The following UBXN4 variants were observed in gnomAD, a reference collection of about 807,000 sequenced individuals.
The protein encoded by UBXN4 is UBX domain-containing protein 4.
UBXN4 carries 35 observed loss-of-function variants against 66.2 expected under a neutral mutation model. That is an observed-to-expected ratio of 0.53 (90% confidence interval 0.40 to 0.70). The LOEUF (loss-of-function observed/expected upper bound fraction) is 0.70, where lower values mean the gene tolerates loss of function less well. UBXN4 is among the 30% of genes least tolerant of loss of function. UBXN4 has a pLI of 0.00. For missense variants in UBXN4, 533 were observed against 599.8 expected (o/e 0.89, Z 1.16); for synonymous variants, 203 against 204.5 (o/e 0.99, Z 0.06).
chr2:135,772,673 T>G, intron 9 of UBXN4, 126 bp downstream of exon 9: 1 of 1,201,084 alleles, frequency 8.3e-7, no homozygotes, highest in Non-Finnish European at 1.2e-6. Context: ...CATATTAATT[T>G]GACAGCTCCC....
intron 10 of UBXN4, 126 bp from the exon 11 acceptor site, chr2:135,778,818 CTTTT>C: frequency 9.6e-7 from 1 of 1,038,536 alleles, no homozygotes; most frequent in South Asian, 2.6e-5. Flanking sequence ...AATTTTATAC[CTTTT>C]TTTGAGTTTA....
intron 8 of UBXN4, among the ~76,000 whole-genome samples, chr2:135,770,959 T>C (rs1559542572): frequency 6.6e-6 from 1 of 151,978 alleles, no homozygotes; most frequent in South Asian, 2.1e-4. Flanking sequence ...TTTATGACTT[T>C]TATCAGCATT....
chr2:135,765,101 A>G (rs529148431), intron 6 of UBXN4, among the ~76,000 whole-genome samples: 1 of 152,324 alleles, frequency 6.6e-6, no homozygotes, highest in East Asian at 1.9e-4. Context: ...GGCTTGAGCC[A>G]CCACGTCTGG....
intron 5 of UBXN4, among the ~76,000 whole-genome samples, chr2:135,759,528 C>T (rs2077299432): frequency 6.6e-6 from 1 of 152,046 alleles, no homozygotes; most frequent in African/African-American, 2.4e-5. Context: ...TAAGATGTTC[C>T]TCTATCCCCT....
At chr2:135,778,590 G>A (rs1315123705) in intron 10 of UBXN4, among the ~76,000 whole-genome samples, 1 of 152,190 alleles carries the variant, frequency 6.6e-6, no homozygotes, top group Non-Finnish European at 1.5e-5. Context: ...ATCCAAATGT[G>A]TGTTCATGAG....
intron 12 of UBXN4, among the ~76,000 whole-genome samples, chr2:135,781,422 C>T (rs777702131): frequency 3.3e-5 from 5 of 152,106 alleles, no homozygotes; most frequent in Admixed American, 6.6e-5. Flanking sequence ...AAATGGACAC[C>T]GCTGTTAAGC....
intron 10 of UBXN4, among the ~76,000 whole-genome samples, chr2:135,777,856 C>G (rs2077426318): frequency 6.7e-6 from 1 of 149,878 alleles, no homozygotes; most frequent in Non-Finnish European, 1.5e-5. Context: ...GTACTCCAGT[C>G]TGTGCAACAG....
intron 2 of UBXN4, among the ~76,000 whole-genome samples, chr2:135,750,445 G>T (rs1305469512): frequency 6.6e-6 from 1 of 152,064 alleles, no homozygotes; most frequent in African/African-American, 2.4e-5. Flanking sequence ...GGCAGAGCTT[G>T]CAGTGAGCCG....
rs910374668 is a variant in UBXN4 at position 135,783,444 on chromosome 2, T to C, written c.*557T>C. 2.0e-5 allele frequency: 3 copies of C among 152,276 alleles called. No individual in the cohort carries two copies. Among genetic ancestry groups the C allele is most frequent in the African/African-American group, 7.2e-5 (3 of 41,450 alleles). The allele number at this position is 152,276 out of a possible 1,614,324, so 9.4% of individuals were successfully genotyped here. ...TAGTTTTGCTTTGAGTTTTGTTATC[T>C]AGCATCTTTTTGTTGCACAGGGCTC... On this transcript the variant is annotated 3_prime_UTR_variant, in exon 13 of 13. Coordinates refer to ENST00000272638, the MANE Select transcript of UBXN4 (RefSeq NM_014607.4).
At position 135,741,876 on chromosome 2, in the gene UBXN4, C is replaced by A. The variant is rs998046107; in HGVS notation, c.-54C>A. On this transcript the variant is annotated 5_prime_UTR_variant, in exon 1 of 13. Coordinates refer to ENST00000272638, the MANE Select transcript of UBXN4 (RefSeq NM_014607.4). ...GGACGAAGACGGAGGGCGGAGCCGG[C>A]TTCGGGACTGCGGAGACTACACACC... 3.2e-6 allele frequency: 5 copies of A among 1,563,316 alleles called. No individual in the cohort carries two copies. In the Admixed American group the frequency reaches 5.6e-5, roughly 17 times the overall value.
chr2:135,772,354 G>A, intron 8 of UBXN4, 66 bp from the exon 9 acceptor site: 1 of 1,567,858 alleles, frequency 6.4e-7, no homozygotes. Flanking sequence ...ATGCATATTT[G>A]TTTGGAATTG....
Position 135,783,541 on chromosome 2 carries a change from G to A in UBXN4, c.*654G>A, listed in dbSNP as rs1285445177. On this transcript the variant is annotated 3_prime_UTR_variant, in exon 13 of 13. Transcript: ENST00000272638. ...CTGGAGCTGTCTCTGGAAAGTAGCT[G>A]GCGAGGTTACCTTAACTATCACTGA... 3 of 151,986 alleles carry A rather than the reference G, an allele frequency of 2.0e-5. No homozygotes were observed. The highest frequency in any genetic ancestry group is 7.3e-5 in the African/African-American group (3 of 41,372). 9.4% of individuals were successfully genotyped at this position (151,986 alleles called of 1,614,324 possible). A position where few individuals can be genotyped will look rare whatever the true frequency, so the allele number is the denominator to read the frequency against.
In UBXN4 at chr2:135,741,990, G is replaced by A; in HGVS notation, c.61G>A (p.Val21Ile). ...AIATAKRSGA[V>I]FVVFVAGDDE... ...CGCGACGGCCAAAAGGAGCGGCGCG[G>A]TCTTCGTGGTGTTCGTGGCAGGTGA... The change falls in exon 1 of 13, where the codon GTC becomes ATC. Residue 21 changes from valine to isoleucine, a missense_variant. Val to Ile is a conservative substitution (Grantham distance 29, BLOSUM62 3). This residue lies in a region of UBXN4 where 529 missense variants were observed against 580.1 expected (regional missense o/e 0.91). Transcript: ENST00000272638. 6.2e-7 allele frequency: 1 copy of A among 1,613,450 alleles called. No individual in the cohort carries two copies. Among genetic ancestry groups the A allele is most frequent in the East Asian group, 2.2e-5 (1 of 44,844 alleles).
At chr2:135,758,712 T>A (rs895577959) in intron 5 of UBXN4, among the ~76,000 whole-genome samples, 1 of 152,130 alleles carries the variant, frequency 6.6e-6, no homozygotes, top group Non-Finnish European at 1.5e-5. Context: ...CTCTAAAATA[T>A]AAGAAAGGAA....
intron 4 of UBXN4, 26 bp downstream of exon 4, chr2:135,754,303 C>G (rs537951838): frequency 1.2e-5 from 19 of 1,559,020 alleles, no homozygotes; most frequent in Non-Finnish European, 1.6e-5. Flanking sequence ...ACTGTTGTTT[C>G]CGTAAATGGT....
intron 3 of UBXN4, 196 bp from the exon 4 acceptor site, chr2:135,753,963 A>G: frequency 1.9e-6 from 1 of 532,646 alleles, no homozygotes; most frequent in Admixed American, 3.7e-5. Flanking sequence ...TCTTCACTAG[A>G]ATATACCTCA....
At chr2:135,748,495 TGAGGTGGGAGG>T (rs2077223046) in intron 2 of UBXN4, 126 bp downstream of exon 2, 2 of 596,330 alleles carry the variant, frequency 3.4e-6, no homozygotes, top group Non-Finnish European at 5.1e-6. Context: ...TTTGGGAGAC[TGAGGTGGGAGG>T]ATCGCTTGAG....
At chr2:135,780,014 C>G in intron 11 of UBXN4, 169 bp from the exon 12 acceptor site, 1 of 569,412 alleles carries the variant, frequency 1.8e-6, no homozygotes, top group South Asian at 2.5e-5. Context: ...TGGGAGTCTT[C>G]AGAAGTTTAT....
chr2:135,769,748 G>GT (rs372143998), intron 6 of UBXN4, 21 bp from the exon 7 acceptor site: 141,926 of 960,154 alleles, frequency 0.15, no homozygotes, highest in South Asian at 0.18. Flanking sequence ...ATTAGTGGTG[G>GT]TTTTTTTTTT....
Sources: allele counts gnomAD v4.1 joint callset (sites outside exome capture counted in the v4.1 genomes callset), GRCh38; gene constraint gnomAD v4.1.1; regional missense constraint gnomAD v4.1.1; transcripts MANE v1.5; gene names NCBI Gene and HGNC (gene_info 2026-07-23, HGNC 2026-07-21).